CBFA2T2: variants seen among roughly 807,000 people sequenced by gnomAD.
CBFA2T2 encodes protein CBFA2T2.
In CBFA2T2, 11 loss-of-function variants were observed where a neutral mutation model predicts 62.2. The observed-to-expected ratio is 0.18, with a 90% CI of 0.11 to 0.29. CBFA2T2 has a LOEUF of 0.29. Among genes scored for constraint, CBFA2T2 ranks in the 10% least tolerant of loss-of-function variants. CBFA2T2 has a pLI of 1.00. For missense variants in CBFA2T2, 592 were observed against 774.1 expected (o/e 0.76, Z 2.79); for synonymous variants, 295 against 287.5 (o/e 1.03, Z -0.27).
intron 9 of CBFA2T2, 80 bp from the exon 10 acceptor site, chr20:33,640,261 T>G: frequency 7.8e-7 from 1 of 1,286,774 alleles, no homozygotes; most frequent in Non-Finnish European, 1.1e-6. Flanking sequence ...TTGTGTCAGC[T>G]CTCTCCTTAC....
chr20:33,615,743 T>A (rs1217805378), intron 3 of CBFA2T2, among the ~76,000 whole-genome samples: 1 of 147,734 alleles, frequency 6.8e-6, no homozygotes, highest in Admixed American at 6.8e-5. Flanking sequence ...CCCATCACTT[T>A]AAAAAAAAAA....
intron 1 of CBFA2T2, among the ~76,000 whole-genome samples, chr20:33,560,844 A>AC (rs1297449611): frequency 6.6e-6 from 1 of 151,488 alleles, no homozygotes; most frequent in Non-Finnish European, 1.5e-5. Flanking sequence ...AGAAGCCAAG[A>AC]CCCCCGCCTT....
chr20:33,608,136 A>G (rs954693919), intron 2 of CBFA2T2, among the ~76,000 whole-genome samples: 1 of 152,200 alleles, frequency 6.6e-6, no homozygotes, highest in Non-Finnish European at 1.5e-5. Context: ...AGTCCTATAT[A>G]TCTATAATCA....
intron 1 of CBFA2T2, among the ~76,000 whole-genome samples, chr20:33,600,167 T>TA (rs1045224117): frequency 6.7e-6 from 1 of 150,350 alleles, no homozygotes; most frequent in African/African-American, 2.4e-5. Context: ...AAGTTAGAAT[T>TA]ATCACTTTTG....
intron 1 of CBFA2T2, among the ~76,000 whole-genome samples, chr20:33,508,127 T>TA (rs1272687115): frequency 6.6e-6 from 1 of 152,044 alleles, no homozygotes; most frequent in African/African-American, 2.4e-5. Flanking sequence ...GATAGCCTCT[T>TA]ACTCTGGCCC....
intron 1 of CBFA2T2, among the ~76,000 whole-genome samples, chr20:33,532,030 T>C (rs2012076694): frequency 6.6e-6 from 1 of 152,156 alleles, no homozygotes; most frequent in Non-Finnish European, 1.5e-5. Context: ...CCCATGAACC[T>C]ATCCCCTCAG....
At chr20:33,576,065 G>A (rs143596838) in intron 1 of CBFA2T2, among the ~76,000 whole-genome samples, 2 of 152,150 alleles carry the variant, frequency 1.3e-5, no homozygotes, top group Non-Finnish European at 2.9e-5. Flanking sequence ...GGGATTACAG[G>A]CGTGAGCCAC....
At chr20:33,549,171 G>A (rs969995077) in intron 1 of CBFA2T2, among the ~76,000 whole-genome samples, 1 of 151,944 alleles carries the variant, frequency 6.6e-6, no homozygotes, top group African/African-American at 2.4e-5. Flanking sequence ...CAGAATAATC[G>A]AAAAATTATT....
At chr20:33,499,123 A>T (rs1233401879) in intron 1 of CBFA2T2, among the ~76,000 whole-genome samples, 2 of 152,152 alleles carry the variant, frequency 1.3e-5, no homozygotes, top group African/African-American at 2.4e-5. Flanking sequence ...AGGTTATGTG[A>T]ATCCAGAGTT....
intron 3 of CBFA2T2, among the ~76,000 whole-genome samples, chr20:33,616,221 C>T (rs1022354835): frequency 6.6e-6 from 1 of 152,110 alleles, no homozygotes; most frequent in African/African-American, 2.4e-5. Flanking sequence ...AACTAGCTAA[C>T]TAACTTTCCC....
chr20:33,637,600 A>C (rs1282390392), intron 9 of CBFA2T2, among the ~76,000 whole-genome samples: 1 of 152,182 alleles, frequency 6.6e-6, no homozygotes, highest in Non-Finnish European at 1.5e-5. Context: ...GACACTCAAT[A>C]ATTGATCAGA....
chr20:33,559,193 T>TTTTTTTTTTC lies in CBFA2T2; in HGVS notation c.35-47763_35-47762insTTTTTTTTTC, dbSNP rs1555835221. Among the ~76,000 whole-genome samples the TTTTTTTTTTC allele has an allele frequency of 1.5e-3, 218 of 143,938 alleles. 11 individuals carry two copies. The highest frequency in any genetic ancestry group is 5.6e-3 in the African/African-American group (204 of 36,376). The allele number at this position is 143,938 out of a possible 152,430, so 94.4% of individuals were successfully genotyped here. A position where few individuals can be genotyped will look rare whatever the true frequency, so the allele number is the denominator to read the frequency against. ...CTTTCTTTTTTTTTTTTTTTTTTTT[T>TTTTTTTTTTC]CTGAGATGGAGTGTCACTCTGTCAC... On this transcript the variant is annotated intron_variant, in intron 1 of 10. Transcript: ENST00000342704.
chr20:33,508,209 C>G (rs1240541616), intron 1 of CBFA2T2, among the ~76,000 whole-genome samples: 1 of 152,124 alleles, frequency 6.6e-6, no homozygotes, highest in Non-Finnish European at 1.5e-5. Context: ...ATTCTCCTGC[C>G]TCAGCCTCCC....
chr20:33,619,910 A>T (rs2015873662), intron 4 of CBFA2T2, among the ~76,000 whole-genome samples: 1 of 152,176 alleles, frequency 6.6e-6, no homozygotes, highest in South Asian at 2.1e-4. Context: ...AGGTCCTAGC[A>T]GAAGAAATAA....
intron 7 of CBFA2T2, among the ~76,000 whole-genome samples, chr20:33,629,377 AG>A (rs2016366186): frequency 6.6e-6 from 1 of 152,252 alleles, no homozygotes; most frequent in Non-Finnish European, 1.5e-5. Flanking sequence ...TTTATGGTTC[AG>A]CCACAGCAAA....
At chr20:33,633,697 C>T (rs1256505556) in intron 8 of CBFA2T2, among the ~76,000 whole-genome samples, 1 of 152,110 alleles carries the variant, frequency 6.6e-6, no homozygotes, top group Non-Finnish European at 1.5e-5. Flanking sequence ...AGACTGGTTT[C>T]CTCTGGCTGT....
chr20:33,640,283 G>A (rs1190091717), intron 9 of CBFA2T2, 58 bp from the exon 10 acceptor site: 20 of 1,498,808 alleles, frequency 1.3e-5, no homozygotes, highest in East Asian at 2.4e-5. Flanking sequence ...TAGAATTGCC[G>A]TGGGATGGGA....
intron 1 of CBFA2T2, among the ~76,000 whole-genome samples, chr20:33,594,396 GTTTT>G (rs980823368): frequency 6.6e-6 from 1 of 151,802 alleles, no homozygotes; most frequent in Non-Finnish European, 1.5e-5. Flanking sequence ...TAATTTTTAT[GTTTT>G]TAGTAGAGAC....
At chr20:33,521,689 A>C (rs1057306585) in intron 1 of CBFA2T2, among the ~76,000 whole-genome samples, 10 of 152,170 alleles carry the variant, frequency 6.6e-5, no homozygotes, top group Non-Finnish European at 4.4e-5. Context: ...ACTAAGGAGA[A>C]GAGCTAATTG....
Sources: allele counts gnomAD v4.1 joint callset (sites outside exome capture counted in the v4.1 genomes callset), GRCh38; gene constraint gnomAD v4.1.1; transcripts MANE v1.5; gene names NCBI Gene and HGNC (gene_info 2026-07-23, HGNC 2026-07-21).